Variants in SAMMSON observed in about 807,000 individuals in gnomAD.
SAMMSON encodes survival associated mitochondrial melanoma specific oncogenic non-coding RNA.
intron 4 of SAMMSON, among the ~76,000 whole-genome samples, chr3:70,074,338 G>A (rs796338294): frequency 6.6e-6 from 1 of 152,044 alleles, no homozygotes. Context: ...ATTTCAATGA[G>A]CCCCTTTAGG....
intron 4 of SAMMSON, chr3:70,095,950 AT>A (rs2067321475): frequency 6.6e-6 from 1 of 152,096 alleles, no homozygotes; most frequent in African/African-American, 2.4e-5. Context: ...AATCTAACAC[AT>A]GTTTATTTTT....
intron 4 of SAMMSON, chr3:70,072,416 C>T (rs1183743631): frequency 6.6e-6 from 1 of 151,502 alleles, no homozygotes; most frequent in Non-Finnish European, 1.5e-5. Context: ...TTTCCAAAGC[C>T]CTACTCTTCA....
intron 3 of SAMMSON, chr3:70,014,250 C>T (rs1447381396): frequency 1.3e-5 from 2 of 152,164 alleles, no homozygotes; most frequent in East Asian, 1.9e-4. Context: ...AGTTGGCTAA[C>T]ATAATCTGCC....
chr3:70,408,030 C>T (rs1230507563), intron 2 of SAMMSON, among the ~76,000 whole-genome samples: 3 of 152,238 alleles, frequency 2.0e-5, no homozygotes, highest in Admixed American at 1.3e-4. Flanking sequence ...AAGCTGCCAA[C>T]GCTTGAGGCT....
intron 6 of SAMMSON, among the ~76,000 whole-genome samples, chr3:70,271,621 A>G (rs568102668): frequency 6.6e-6 from 1 of 152,214 alleles, no homozygotes; most frequent in Non-Finnish European, 1.5e-5. Context: ...AGCCAAAACA[A>G]TAGACCCAGC....
At chr3:70,386,340 C>T (rs1003575319) in intron 9 of SAMMSON, among the ~76,000 whole-genome samples, 5 of 151,812 alleles carry the variant, frequency 3.3e-5, no homozygotes, top group East Asian at 1.9e-4. Flanking sequence ...ATCTGGTTTA[C>T]GAGAGACAGA....
At chr3:70,022,426 CAAAAAAAAAA>C (rs60455629) in intron 3 of SAMMSON, among the ~76,000 whole-genome samples, 6 of 91,120 alleles carry the variant, frequency 6.6e-5, no homozygotes, top group Admixed American at 1.2e-4. Flanking sequence ...AGTATAATAA[CAAAAAAAAAA>C]AAAAAAAAAA....
intron 7 of SAMMSON, among the ~76,000 whole-genome samples, chr3:70,308,398 C>T (rs956125853): frequency 1.3e-5 from 2 of 152,098 alleles, no homozygotes; most frequent in Non-Finnish European, 1.5e-5. Flanking sequence ...ATCCGATTAT[C>T]TTAAAAGAGG....
intron 2 of SAMMSON, among the ~76,000 whole-genome samples, chr3:70,424,139 T>C (rs1385950829): frequency 6.6e-6 from 1 of 152,234 alleles, no homozygotes; most frequent in African/African-American, 2.4e-5. Context: ...ATGTACATGT[T>C]TGTGTGGCTT....
chr3:70,201,900 G>C (rs1292552695), intron 4 of SAMMSON, among the ~76,000 whole-genome samples: 1 of 152,202 alleles, frequency 6.6e-6, no homozygotes, highest in African/African-American at 2.4e-5. Flanking sequence ...GAACCTGCAA[G>C]ATGGGAGGAA....
chr3:70,315,713 A>G (rs1702489311), intron 7 of SAMMSON, among the ~76,000 whole-genome samples: 2 of 152,086 alleles, frequency 1.3e-5, no homozygotes, highest in Non-Finnish European at 2.9e-5. Flanking sequence ...GGGCCTTGGA[A>G]TGAACAAAGT....
intron 4 of SAMMSON, among the ~76,000 whole-genome samples, chr3:70,188,773 C>G (rs573091497): frequency 5.6e-4 from 86 of 152,314 alleles, no homozygotes; most frequent in African/African-American, 1.9e-3. Context: ...ATTAACAACA[C>G]TTTATCATCT....
intron 4 of SAMMSON, among the ~76,000 whole-genome samples, chr3:70,109,658 A>G (rs945512777): frequency 1.3e-5 from 2 of 152,160 alleles, no homozygotes; most frequent in Admixed American, 6.6e-5. Context: ...GATACTGATC[A>G]AGAGCATCTC....
chr3:70,059,649 G>A (rs535241712), intron 3 of SAMMSON, among the ~76,000 whole-genome samples: 346 of 152,176 alleles, frequency 2.3e-3, no homozygotes, highest in Admixed American at 4.1e-3. Context: ...GTCCACATTG[G>A]TGAGGACAGT....
intron 4 of SAMMSON, among the ~76,000 whole-genome samples, chr3:70,124,337 G>A (rs2067446694): frequency 6.6e-6 from 1 of 152,158 alleles, no homozygotes; most frequent in Non-Finnish European, 1.5e-5. Flanking sequence ...AAACTTACAA[G>A]TTACAGGTGT....
chr3:70,088,699 A>G lies in SAMMSON; in HGVS notation n.507+17134A>G, dbSNP rs114536615. On this transcript the variant is annotated intron_variant and non_coding_transcript_variant, in intron 4 of 9. Coordinates refer to ENST00000642114, the Ensembl canonical transcript of SAMMSON. ...TTTTTGAAACTGTGATAATATTTCT[A>G]TAATAGTTTTGTTGGGAATTATCAA... Among the ~76,000 whole-genome samples, 467 of 152,252 alleles carry G rather than the reference A, an allele frequency of 3.1e-3. 3 individuals are homozygous for G. The highest frequency in any genetic ancestry group is 1.0e-2 in the African/African-American group (415 of 41,554).
intron 4 of SAMMSON, among the ~76,000 whole-genome samples, chr3:70,149,754 G>A (rs1358418875): frequency 6.6e-6 from 1 of 151,976 alleles, no homozygotes; most frequent in African/African-American, 2.4e-5. Flanking sequence ...GTTCCACTTG[G>A]ACCACTATTG....
intron 4 of SAMMSON, among the ~76,000 whole-genome samples, chr3:70,128,526 A>G (rs544066447): frequency 2.6e-5 from 4 of 152,356 alleles, no homozygotes; most frequent in South Asian, 2.1e-4. Flanking sequence ...TCAAAAGACA[A>G]TGATTGAAAT....
chr3:70,290,055 C>G (rs1249353930), intron 6 of SAMMSON, among the ~76,000 whole-genome samples: 1 of 152,204 alleles, frequency 6.6e-6, no homozygotes, highest in Non-Finnish European at 1.5e-5. Context: ...CTTCTTCTCT[C>G]AGCTCGTCAA....
Sources: allele counts gnomAD v4.1 joint callset (sites outside exome capture counted in the v4.1 genomes callset), GRCh38; gene constraint gnomAD v4.1.1; transcripts MANE v1.5; gene names NCBI Gene and HGNC (gene_info 2026-07-23, HGNC 2026-07-21).